TBL1XR1: variants seen among roughly 807,000 people sequenced by gnomAD.
TBL1XR1 encodes the protein TBL1X/Y related 1.
In TBL1XR1, 5 loss-of-function variants were observed where a neutral mutation model predicts 66.9. That is an observed-to-expected ratio of 0.07 (90% CI 0.04 to 0.16). The LOEUF is 0.16. Ranked by LOEUF, TBL1XR1 falls within the 10% of genes least tolerant of loss-of-function variation. The pLI is 1.00. For synonymous variants in TBL1XR1, 210 were observed against 206.0 expected (o/e 1.02, Z -0.17); for missense variants, 238 against 623.2 (o/e 0.38, Z 6.58).
chr3:177,183,289 T>G (rs1410197335), intron 1 of TBL1XR1, among the ~76,000 whole-genome samples: 1 of 152,212 alleles, frequency 6.6e-6, no homozygotes, highest in East Asian at 1.9e-4. Context: ...AAGCATGTTT[T>G]TAAATGAAGA....
At chr3:177,108,733 A>G (rs1725188218) in intron 1 of TBL1XR1, among the ~76,000 whole-genome samples, 1 of 152,226 alleles carries the variant, frequency 6.6e-6, no homozygotes, top group Admixed American at 6.5e-5. Flanking sequence ...ATGAATTTCC[A>G]TGAGTTTAAA....
At chr3:177,184,435 C>T (rs561127234) in intron 1 of TBL1XR1, among the ~76,000 whole-genome samples, 138 of 152,276 alleles carry the variant, frequency 9.1e-4, no homozygotes, top group African/African-American at 2.9e-3. Context: ...AAATGTAGTA[C>T]TTCTGGACAA....
At chr3:177,173,612 G>A (rs1465806088) in intron 1 of TBL1XR1, among the ~76,000 whole-genome samples, 1 of 152,158 alleles carries the variant, frequency 6.6e-6, no homozygotes, top group Non-Finnish European at 1.5e-5. Context: ...TCACAGGTCA[G>A]AGGAGACTAA....
chr3:177,055,487 T>G, intron 3 of TBL1XR1, among the ~76,000 whole-genome samples: 1 of 148,262 alleles, frequency 6.7e-6, no homozygotes, highest in East Asian at 2.0e-4. Flanking sequence ...CATAATTAAA[T>G]GCATTTATAG....
intron 12 of TBL1XR1, among the ~76,000 whole-genome samples, chr3:177,037,243 A>C (rs1714925545): frequency 6.6e-6 from 1 of 152,278 alleles, no homozygotes; most frequent in South Asian, 2.1e-4. Context: ...TTATTAAGTC[A>C]AATCTTTACA....
intron 1 of TBL1XR1, among the ~76,000 whole-genome samples, chr3:177,158,679 G>A (rs913117623): frequency 3.9e-5 from 6 of 152,116 alleles, no homozygotes; most frequent in Non-Finnish European, 7.4e-5. Flanking sequence ...ACCAGGAAGA[G>A]CTAAGAAGCT....
At chr3:177,045,390 C>T (rs896625505) in intron 10 of TBL1XR1, among the ~76,000 whole-genome samples, 9 of 152,030 alleles carry the variant, frequency 5.9e-5, no homozygotes, top group South Asian at 2.1e-4. Flanking sequence ...CACTGAAAAG[C>T]GGCGCAAAGG....
chr3:177,163,039 ATTAT>A (rs780807034), intron 1 of TBL1XR1, among the ~76,000 whole-genome samples: 218 of 152,260 alleles, frequency 1.4e-3, no homozygotes, highest in Non-Finnish European at 2.3e-3. Flanking sequence ...AGCAATTCCA[ATTAT>A]TTATTTATCA....
intron 1 of TBL1XR1, among the ~76,000 whole-genome samples, chr3:177,137,864 G>A (rs1395237068): frequency 6.6e-6 from 1 of 152,102 alleles, no homozygotes; most frequent in Non-Finnish European, 1.5e-5. Context: ...TAGCTACTAG[G>A]GAGGCTAAGG....
intron 2 of TBL1XR1, among the ~76,000 whole-genome samples, chr3:177,096,027 A>G (rs925033927): frequency 1.3e-5 from 2 of 152,180 alleles, no homozygotes; most frequent in Non-Finnish European, 2.9e-5. Flanking sequence ...TTTAAATTTT[A>G]AGAGAAAAAA....
chr3:177,043,965 CT>C (rs1176791921), intron 10 of TBL1XR1, among the ~76,000 whole-genome samples: 2 of 151,994 alleles, frequency 1.3e-5, no homozygotes, highest in Non-Finnish European at 2.9e-5. Flanking sequence ...CCTCCCCTAC[CT>C]TTTTACCTAA....
intron 11 of TBL1XR1, 69 bp from the exon 12 acceptor site, chr3:177,038,241 C>T: frequency 6.3e-7 from 1 of 1,598,540 alleles, no homozygotes; most frequent in Non-Finnish European, 8.5e-7. Context: ...ATTAAACATA[C>T]ATACTTTAAA....
chr3:177,152,825 C>A (rs927031382), intron 1 of TBL1XR1, among the ~76,000 whole-genome samples: 2 of 152,126 alleles, frequency 1.3e-5, no homozygotes, highest in African/African-American at 4.8e-5. Context: ...CCATTTTCCA[C>A]ACACCTTTCC....
chr3:177,082,582 AAC>A (rs1392997437), intron 2 of TBL1XR1, among the ~76,000 whole-genome samples: 2 of 151,364 alleles, frequency 1.3e-5, no homozygotes, highest in Non-Finnish European at 2.9e-5. Flanking sequence ...TGGTATTTGT[AAC>A]AGTTATGCGT....
chr3:177,191,355 C>G (rs2109008368), intron 1 of TBL1XR1, among the ~76,000 whole-genome samples: 1 of 152,280 alleles, frequency 6.6e-6, no homozygotes, highest in East Asian at 1.9e-4. Flanking sequence ...TAATCCAGAC[C>G]TACAACCATT....
intron 3 of TBL1XR1, among the ~76,000 whole-genome samples, chr3:177,061,189 T>C (rs968434348): frequency 6.6e-6 from 1 of 152,210 alleles, no homozygotes; most frequent in African/African-American, 2.4e-5. Context: ...CATCAAATAT[T>C]TGAGGCTGAA....
intron 1 of TBL1XR1, chr3:177,099,359 CTT>C (rs987676764): frequency 1.5e-4 from 23 of 152,488 alleles, no homozygotes; most frequent in African/African-American, 5.3e-4. Context: ...AACAGCGAGA[CTT>C]TGTCTCAACA....
chr3:177,201,359 C>T (rs545117747), upstream of TBL1XR1, among the ~76,000 whole-genome samples: 121 of 137,478 alleles, frequency 8.8e-4, no homozygotes, highest in African/African-American at 3.1e-3. Flanking sequence ...TGCAGTGAGC[C>T]GAGATCTTGC....
chr3:177,066,899 G>C (rs551908861), intron 2 of TBL1XR1, among the ~76,000 whole-genome samples: 1 of 152,114 alleles, frequency 6.6e-6, no homozygotes, highest in Admixed American at 6.5e-5. Flanking sequence ...CTAAAGAAAA[G>C]GTACCCTCTT....
Sources: gnomAD v4.1 joint callset for allele counts (sites outside exome capture counted in the v4.1 genomes callset) on GRCh38, gnomAD v4.1.1 for gene constraint, MANE v1.5 for transcripts, NCBI Gene and HGNC (gene_info 2026-07-23, HGNC 2026-07-21) for gene names.